Variants in DAW1 observed in about 807,000 individuals in gnomAD.
DAW1 encodes the protein dynein assembly factor with WD repeats 1, also known as dynein assembly factor with WD repeat domains 1.
A neutral mutation model predicts 56.5 loss-of-function variants in DAW1; 47 were observed. That is an observed-to-expected ratio of 0.83 (90% confidence interval 0.66 to 1.06). The LOEUF is 1.06. Among genes scored for constraint, DAW1 ranks in the 50% least tolerant of loss-of-function variants. The probability of loss-of-function intolerance (pLI) is 0.00; values close to 1 mark genes in which losing one functional copy is unlikely to be tolerated. For synonymous variants in DAW1, 190 were observed against 179.0 expected, an observed-to-expected ratio of 1.06 and a Z score of -0.49; for missense variants, 505 against 499.3, an observed-to-expected ratio of 1.01 and a Z score of -0.11.
At position 227,876,091 on chromosome 2, in the gene DAW1, C is replaced by T. The variant is rs1300724979; in HGVS notation, c.40+4362C>T. 2.6e-5 allele frequency among the ~76,000 whole-genome samples: 4 copies of T among 151,992 alleles called. No homozygotes were observed. In the South Asian group the frequency reaches 6.2e-4, roughly 24 times the overall value. ...AGTGCAGTGGCATGATCTTGGCTCA[C>T]TGCAAGCTCCGCCTCCTGGGTTCAT... is the stretch of plus-strand genomic sequence containing the variant. On this transcript the variant is annotated intron_variant, in intron 1 of 12. Transcript: ENST00000309931.
At chr2:227,913,014 C>G (rs1346945707) in intron 10 of DAW1, among the ~76,000 whole-genome samples, 1 of 152,182 alleles carries the variant, frequency 6.6e-6, no homozygotes, top group Non-Finnish European at 1.5e-5. Context: ...GGAGCTTGAA[C>G]ATTTGGCAAG....
At chr2:227,890,116 G>T (rs1691228046) in intron 3 of DAW1, 116 bp downstream of exon 3, 1 of 1,052,946 alleles carries the variant, frequency 9.5e-7, no homozygotes. Context: ...GTGATTGATT[G>T]TAGTGCCTCA....
chr2:227,878,809 A>ATTTTTT (rs61488173), intron 1 of DAW1, among the ~76,000 whole-genome samples: 1 of 138,084 alleles, frequency 7.2e-6, no homozygotes. Flanking sequence ...TTTAAATTTA[A>ATTTTTT]TTTTTTTTTT....
chr2:227,878,834 G>T (rs971062682), intron 1 of DAW1, among the ~76,000 whole-genome samples: 1 of 147,960 alleles, frequency 6.8e-6, no homozygotes, highest in South Asian at 2.1e-4. Context: ...TTTGCCCAGG[G>T]TGGAGTGCAA....
At chr2:227,896,237 T>G (rs1016572759) in intron 5 of DAW1, among the ~76,000 whole-genome samples, 1 of 152,220 alleles carries the variant, frequency 6.6e-6, no homozygotes, top group Non-Finnish European at 1.5e-5. Context: ...AAGATTTTAT[T>G]GAAATTATAA....
Position 227,889,789 on chromosome 2 carries a change from CAT to C in DAW1, c.114-66_114-65del. On this transcript the variant is annotated intron_variant, in intron 2 of 12. Coordinates refer to ENST00000309931, the MANE Select transcript of DAW1 (RefSeq NM_178821.3). ...TCATGAAGCAATACAATCAATTCTT[CAT>C]GTAATATAGGTATATGCAAATTTTG... The C allele has an allele frequency of 2.3e-6, 3 of 1,308,490 alleles. No individual in the cohort carries two copies. In the South Asian group the frequency reaches 5.2e-5, roughly 23 times the overall value. 81.1% of individuals were successfully genotyped at this position (1,308,490 alleles called of 1,614,324 possible).
intron 10 of DAW1, among the ~76,000 whole-genome samples, chr2:227,915,932 A>G (rs1301087197): frequency 6.6e-6 from 1 of 152,164 alleles, no homozygotes; most frequent in African/African-American, 2.4e-5. Context: ...GACAATTTAT[A>G]ATGCTACAAT....
At chr2:227,914,357 A>G (rs1037745507) in intron 10 of DAW1, among the ~76,000 whole-genome samples, 13 of 152,090 alleles carry the variant, frequency 8.5e-5, no homozygotes, top group East Asian at 3.8e-4. Context: ...ATAACCACCT[A>G]TGATGCTATA....
At chr2:227,882,032 G>A (rs558949278) in intron 1 of DAW1, among the ~76,000 whole-genome samples, 1 of 152,186 alleles carries the variant, frequency 6.6e-6, no homozygotes, top group African/African-American at 2.4e-5. Context: ...GATTACAGGC[G>A]TGAGCCACTG....
intron 10 of DAW1, among the ~76,000 whole-genome samples, chr2:227,909,328 AT>A (rs927547149): frequency 3.4e-5 from 5 of 147,444 alleles, no homozygotes; most frequent in African/African-American, 9.9e-5. Context: ...AATTTTATGT[AT>A]TTTTTATATT....
rs777028500 is a variant in DAW1 at position 227,907,121 on chromosome 2, TGTTC to T, written c.859-16_859-13del. 2.5e-6 allele frequency: 4 copies of T among 1,577,760 alleles called. No individual in the cohort carries two copies. The highest frequency in any genetic ancestry group is 3.7e-5 in the Admixed American group (2 of 53,412). On this transcript the variant is annotated splice_polypyrimidine_tract_variant and intron_variant, in intron 9 of 12. Transcript: ENST00000309931. The stretch of plus-strand genomic sequence containing the variant: ...TCATAGTCTTTTTTTTTTTGTTTTT[TGTTC>T]TTTTAATTGTAGCTGTGGGATGCTA...
intron 6 of DAW1, among the ~76,000 whole-genome samples, chr2:227,901,692 T>C (rs1052748685): frequency 6.6e-6 from 1 of 152,092 alleles, no homozygotes; most frequent in Non-Finnish European, 1.5e-5. Flanking sequence ...GGATTGGGCA[T>C]TTAGCTGGAG....
chr2:227,873,250 A>G (rs567583940), intron 1 of DAW1, among the ~76,000 whole-genome samples: 3 of 152,342 alleles, frequency 2.0e-5, no homozygotes, highest in Admixed American at 2.0e-4. Flanking sequence ...ATTTTACTCT[A>G]TGCCATAAAG....
At chr2:227,904,348 C>G (rs1691626742) in intron 7 of DAW1, among the ~76,000 whole-genome samples, 1 of 152,108 alleles carries the variant, frequency 6.6e-6, no homozygotes, top group African/African-American at 2.4e-5. Flanking sequence ...TATCAGAGTT[C>G]CAGAATCTGC....
intron 1 of DAW1, among the ~76,000 whole-genome samples, chr2:227,881,228 T>A (rs1282029331): frequency 6.6e-6 from 1 of 152,218 alleles, no homozygotes; most frequent in Non-Finnish European, 1.5e-5. Flanking sequence ...TACCAATTAG[T>A]TCATGTATTC....
At chr2:227,886,724 A>T (rs1400843375) in intron 2 of DAW1, among the ~76,000 whole-genome samples, 1 of 152,214 alleles carries the variant, frequency 6.6e-6, no homozygotes, top group East Asian at 1.9e-4. Flanking sequence ...AGGCAGGAGG[A>T]TCACTTCAGG....
intron 2 of DAW1, among the ~76,000 whole-genome samples, chr2:227,888,481 C>G (rs1691181104): frequency 6.6e-6 from 1 of 152,210 alleles, no homozygotes; most frequent in Non-Finnish European, 1.5e-5. Context: ...AGCTCAGGAG[C>G]AAAACTTGCC....
chr2:227,894,984 G>C (rs1441027384), intron 5 of DAW1, among the ~76,000 whole-genome samples: 1 of 152,184 alleles, frequency 6.6e-6, no homozygotes, highest in Non-Finnish European at 1.5e-5. Context: ...AGTGTGAAAA[G>C]AAAGCTGGTC....
chr2:227,896,593 A>AGTGTGTGT (rs5839240), intron 5 of DAW1, among the ~76,000 whole-genome samples: 5,825 of 143,614 alleles, frequency 0.041, 118 homozygotes, highest in Middle Eastern at 0.054. Context: ...AATAAGAGGG[A>AGTGTGTGT]GTGTGTGTGT....
Sources: gnomAD v4.1 joint callset for allele counts (sites outside exome capture counted in the v4.1 genomes callset) on GRCh38, gnomAD v4.1.1 for gene constraint, MANE v1.5 for transcripts, NCBI Gene and HGNC (gene_info 2026-07-23, HGNC 2026-07-21) for gene names.